The following COLEC12 variants were observed in gnomAD, a reference collection of about 807,000 sequenced individuals.
The protein encoded by COLEC12 is collectin subfamily member 12, also known as collectin-12.
A neutral mutation model predicts 71.1 loss-of-function variants in COLEC12; 33 were observed. The observed-to-expected ratio is 0.46, with a 90% CI of 0.35 to 0.62. COLEC12 has a LOEUF of 0.62. Ranked by LOEUF, COLEC12 falls within the 20% of genes least tolerant of loss-of-function variation. The pLI is 0.00. For synonymous variants in COLEC12, 350 were observed against 353.0 expected (o/e 0.99, Z 0.10); for missense variants, 765 against 916.1 (o/e 0.84, Z 2.13).
At chr18:491,166 G>A (rs1917613032) in intron 1 of COLEC12, among the ~76,000 whole-genome samples, 1 of 152,184 alleles carries the variant, frequency 6.6e-6, no homozygotes, top group South Asian at 2.1e-4. Context: ...GGGCCATCAG[G>A]ACCCCTGAGT....
intron 2 of COLEC12, among the ~76,000 whole-genome samples, chr18:414,785 G>A (rs1337261197): frequency 6.6e-6 from 1 of 152,166 alleles, no homozygotes; most frequent in African/African-American, 2.4e-5. Flanking sequence ...CCCCAAACAG[G>A]CTTGTTCTCA....
chr18:350,063 T>A (rs1204368796), intron 3 of COLEC12, among the ~76,000 whole-genome samples: 1 of 152,150 alleles, frequency 6.6e-6, no homozygotes, highest in Admixed American at 6.5e-5. Flanking sequence ...TTTTGAAACG[T>A]GAGGACATGA....
At chr18:396,514 G>T (rs1369920084) in intron 2 of COLEC12, among the ~76,000 whole-genome samples, 1 of 152,190 alleles carries the variant, frequency 6.6e-6, no homozygotes, top group Admixed American at 6.5e-5. Flanking sequence ...GCCATATTAT[G>T]GGTTGAAAAG....
chr18:458,183 G>A (rs1441560208), intron 2 of COLEC12, among the ~76,000 whole-genome samples: 2 of 152,206 alleles, frequency 1.3e-5, no homozygotes, highest in African/African-American at 4.8e-5. Flanking sequence ...TGTTTTCCAT[G>A]AGTATTTTTA....
intron 2 of COLEC12, among the ~76,000 whole-genome samples, chr18:383,062 G>A (rs978383028): frequency 6.6e-6 from 1 of 152,012 alleles, no homozygotes; most frequent in Non-Finnish European, 1.5e-5. Flanking sequence ...TTCCCCCAAC[G>A]GGACTCTGTC....
chr18:495,778 G>A (rs1171054962), intron 1 of COLEC12, among the ~76,000 whole-genome samples: 1 of 152,228 alleles, frequency 6.6e-6, no homozygotes, highest in Non-Finnish European at 1.5e-5. Flanking sequence ...ATAGCTAGGA[G>A]GGAGCCTGGG....
intron 5 of COLEC12, among the ~76,000 whole-genome samples, chr18:339,119 C>T (rs1914186377): frequency 1.3e-5 from 2 of 151,820 alleles, no homozygotes; most frequent in South Asian, 2.1e-4. Flanking sequence ...AGGCTTGTGT[C>T]TGCTCAGACA....
chr18:406,044 A>C (rs1408855358), intron 2 of COLEC12, among the ~76,000 whole-genome samples: 1 of 152,062 alleles, frequency 6.6e-6, no homozygotes, highest in Admixed American at 6.5e-5. Flanking sequence ...CCCACCAAAA[A>C]CAGATGGCAA....
chr18:426,036 C>T (rs1916192608), intron 2 of COLEC12, among the ~76,000 whole-genome samples: 1 of 152,166 alleles, frequency 6.6e-6, no homozygotes. Flanking sequence ...GCTAAGAAAA[C>T]AGAGGCACAG....
chr18:499,427 G>A lies in COLEC12; in HGVS notation c.7+1081C>T, dbSNP rs933904535. Among the ~76,000 whole-genome samples, 31 of 152,334 alleles carry A rather than the reference G, an allele frequency of 2.0e-4. 1 individual carries two copies. Among genetic ancestry groups the A allele is most frequent in the African/African-American group, 7.5e-4 (31 of 41,574 alleles). On this transcript the variant is annotated intron_variant, in intron 1 of 9. Transcript: ENST00000400256. ...TGCCCTTCAGAAAAAAAACTTTCCA[G>A]AGCCAAAAGTTACTTTCCAAGCGCC... is the stretch of plus-strand genomic sequence containing the variant.
At chr18:384,479 G>A (rs1915301024) in intron 2 of COLEC12, among the ~76,000 whole-genome samples, 1 of 152,132 alleles carries the variant, frequency 6.6e-6, no homozygotes, top group Admixed American at 6.6e-5. Flanking sequence ...ACGTGTAAGA[G>A]GAAGTTATTT....
At chr18:375,061 G>A (rs1323279564) in intron 2 of COLEC12, among the ~76,000 whole-genome samples, 1 of 152,204 alleles carries the variant, frequency 6.6e-6, no homozygotes, top group Non-Finnish European at 1.5e-5. Context: ...CTGTTCTCAT[G>A]GGAACCAGCA....
At chr18:495,241 T>C (rs1020467751) in intron 1 of COLEC12, among the ~76,000 whole-genome samples, 3 of 152,202 alleles carry the variant, frequency 2.0e-5, no homozygotes, top group Non-Finnish European at 4.4e-5. Flanking sequence ...TTTGGATGGT[T>C]GGTGTGGTTA....
intron 2 of COLEC12, among the ~76,000 whole-genome samples, chr18:432,596 T>C (rs2143677418): frequency 6.6e-6 from 1 of 152,278 alleles, no homozygotes; most frequent in South Asian, 2.1e-4. Flanking sequence ...ATTTCTTTTG[T>C]GAAAAACACT....
chr18:496,921 G>C (rs1366339260), intron 1 of COLEC12, among the ~76,000 whole-genome samples: 1 of 152,136 alleles, frequency 6.6e-6, no homozygotes, highest in Non-Finnish European at 1.5e-5. Context: ...AACTCTAGAG[G>C]AGTCAGATTC....
At chr18:457,473 G>A (rs1916895693) in intron 2 of COLEC12, among the ~76,000 whole-genome samples, 1 of 152,168 alleles carries the variant, frequency 6.6e-6, no homozygotes, top group African/African-American at 2.4e-5. Context: ...AGCTGATGAA[G>A]GCAAGTACAG....
rs1000385808 is a variant in COLEC12 at position 379,077 on chromosome 18, G to A, written c.59-21555C>T. ...CTGGTCGACTAAGGCTGGAGGGATG[G>A]TGCAATCTTTTTATCTCCTTTTATT... On this transcript the variant is annotated intron_variant, in intron 2 of 9. Transcript: ENST00000400256. Among the ~76,000 whole-genome samples the A allele has an allele frequency of 3.9e-5, 6 of 152,092 alleles. No individual in the cohort carries two copies. The South Asian group carries it at 1.2e-3, about 31-fold the overall frequency.
chr18:387,925 T>C (rs1915379812), intron 2 of COLEC12, among the ~76,000 whole-genome samples: 1 of 152,216 alleles, frequency 6.6e-6, no homozygotes, highest in African/African-American at 2.4e-5. Context: ...GTTCAGCCAA[T>C]TGCTAGCTCT....
intron 1 of COLEC12, among the ~76,000 whole-genome samples, chr18:486,754 A>G (rs1208552639): frequency 6.6e-6 from 1 of 152,198 alleles, no homozygotes; most frequent in Non-Finnish European, 1.5e-5. Context: ...GGTGAGGCTA[A>G]AATAGGAGGA....
Sources: allele counts gnomAD v4.1 joint callset (sites outside exome capture counted in the v4.1 genomes callset), GRCh38; gene constraint gnomAD v4.1.1; transcripts MANE v1.5; gene names NCBI Gene and HGNC (gene_info 2026-07-23, HGNC 2026-07-21).